Variants in DCHS2 observed in about 807,000 individuals in gnomAD.
The protein encoded by DCHS2 is protocadherin-23.
A neutral mutation model predicts 182.4 loss-of-function variants in DCHS2; 142 were observed. That is an observed-to-expected ratio of 0.78 (90% CI 0.68 to 0.89). The LOEUF (loss-of-function observed/expected upper bound fraction) is 0.89, where lower values mean the gene tolerates loss of function less well. DCHS2 is among the 40% of genes least tolerant of loss of function. DCHS2 has a pLI of 0.00. For missense variants in DCHS2, 4,319 were observed against 4,198.6 expected, an observed-to-expected ratio of 1.03 and a Z score of -0.79; for synonymous variants, 1,740 against 1,663.3, an observed-to-expected ratio of 1.05 and a Z score of -1.12.
chr4:154,414,212 T>C (rs544066349), intron 1 of DCHS2, among the ~76,000 whole-genome samples: 4 of 149,722 alleles, frequency 2.7e-5, no homozygotes, highest in Non-Finnish European at 5.9e-5. Flanking sequence ...GAGAGAGATA[T>C]AGATATATGT....
intron 1 of DCHS2, among the ~76,000 whole-genome samples, chr4:154,444,890 G>C (rs1211014216): frequency 6.6e-6 from 1 of 152,082 alleles, no homozygotes; most frequent in Admixed American, 6.6e-5. Context: ...CTGGAGTTCT[G>C]CAAACCCAGC....
chr4:154,283,631 A>G (rs76756449), intron 13 of DCHS2, among the ~76,000 whole-genome samples: 3,129 of 152,346 alleles, frequency 0.021, 113 homozygotes, highest in African/African-American at 0.072. Context: ...AAATGCACAC[A>G]TAGCAACTTA....
At chr4:154,299,425 G>A (rs1326758152) in intron 12 of DCHS2, among the ~76,000 whole-genome samples, 1 of 152,094 alleles carries the variant, frequency 6.6e-6, no homozygotes, top group Non-Finnish European at 1.5e-5. Flanking sequence ...AGCTTTCAAA[G>A]ACATTTTTAA....
rs1561049500 is a variant in DCHS2, at chr4:154,333,107, A to AC, written c.3100dup (p.Val1034GlyfsTer62). ...GCCCAGGCTGCCGTTGAGGAACAGC[A>AC]CCCCCAGGGCTCTGTCGATGGCAAA... is the stretch of plus-strand genomic sequence containing the variant. On this transcript the variant is annotated frameshift_variant, in exon 5 of 20. Coordinates refer to ENST00000357232, the MANE Select transcript of DCHS2 (RefSeq NM_001358235.2). LOFTEE classifies it high-confidence loss of function. The AC allele has an allele frequency of 1.9e-6, 3 of 1,613,984 alleles. No homozygotes were observed. The highest frequency in any genetic ancestry group is 1.7e-6 in the Non-Finnish European group (2 of 1,180,020).
chr4:154,364,403 T>C (rs1450959553), intron 3 of DCHS2, among the ~76,000 whole-genome samples: 1 of 152,250 alleles, frequency 6.6e-6, no homozygotes, highest in African/African-American at 2.4e-5. Context: ...CTGACCTATA[T>C]ATTTTTGGCA....
At chr4:154,434,605 G>T (rs1269679241) in intron 1 of DCHS2, among the ~76,000 whole-genome samples, 4 of 151,786 alleles carry the variant, frequency 2.6e-5, no homozygotes, top group Non-Finnish European at 5.9e-5. Flanking sequence ...GTACATGAGT[G>T]TTTTTTTTAT....
intron 1 of DCHS2, among the ~76,000 whole-genome samples, chr4:154,481,082 G>T (rs1360478772): frequency 6.6e-6 from 1 of 152,062 alleles, no homozygotes; most frequent in Non-Finnish European, 1.5e-5. Context: ...GGTAAATTTT[G>T]TACAAACAGC....
chr4:154,294,068 G>A (rs1485569049), intron 13 of DCHS2, among the ~76,000 whole-genome samples: 5 of 152,124 alleles, frequency 3.3e-5, no homozygotes, highest in South Asian at 2.1e-4. Context: ...TACCCACTAG[G>A]AGCAAATATC....
At chr4:154,433,395 C>CCTTTTT (rs1364776212) in intron 1 of DCHS2, among the ~76,000 whole-genome samples, 1 of 103,866 alleles carries the variant, frequency 9.6e-6, no homozygotes, top group Non-Finnish European at 1.9e-5. Flanking sequence ...TTTTTTTTTC[C>CCTTTTT]TTTTTTTTTT....
Position 154,236,275 on chromosome 4 carries a change from C to A in DCHS2, c.8377G>T (p.Ala2793Ser). Residue 2793 changes from alanine (A) to serine (S), a missense_variant, in exon 20 of 20, where the codon GCT becomes TCT. Ala to Ser is a moderately conservative substitution (Grantham distance 99). Coordinates refer to ENST00000357232, the MANE Select transcript of DCHS2 (RefSeq NM_001358235.2). Reference protein sequence around the residue: ...PISSTICSINALDFDAGPYGE... With the variant: ...PISSTICSINSLDFDAGPYGE... ...TACGGACCAGCATCAAAATCCAGAGCATTTATAGAGCATATGGTAGAGGAA... is the reference window on the plus strand; with the variant it reads ...TACGGACCAGCATCAAAATCCAGAGAATTTATAGAGCATATGGTAGAGGAA... The A allele has an allele frequency of 6.2e-7, 1 of 1,613,966 alleles. No individual in the cohort carries two copies. Among genetic ancestry groups the A allele is most frequent in the Non-Finnish European group, 8.5e-7 (1 of 1,179,952 alleles).
intron 13 of DCHS2, among the ~76,000 whole-genome samples, chr4:154,287,693 G>C (rs1734466941): frequency 6.6e-6 from 1 of 151,984 alleles, no homozygotes; most frequent in Admixed American, 6.6e-5. Flanking sequence ...TGTTGGCCAG[G>C]CTGGTCATGA....
In DCHS2 at chr4:154,463,666, A is replaced by T. The variant is rs1465072385; in HGVS notation, c.2052+25638T>A. On this transcript the variant is annotated intron_variant, in intron 1 of 19. Coordinates refer to ENST00000357232, the MANE Select transcript of DCHS2 (RefSeq NM_001358235.2). ...ACAGGCAGAGGTCATTAGGTAAACT[A>T]AAAATCCTGTAAGCTATTCTCTCTT... 4.0e-5 allele frequency among the ~76,000 whole-genome samples: 6 copies of T among 151,580 alleles called. No homozygotes were observed. The East Asian group carries it at 7.8e-4, about 20-fold the overall frequency.
chr4:154,454,159 CT>C (rs1734662741), intron 1 of DCHS2, among the ~76,000 whole-genome samples: 2 of 150,968 alleles, frequency 1.3e-5, no homozygotes, highest in African/African-American at 4.9e-5. Context: ...ACACACACCC[CT>C]TGCCAGGATA....
intron 12 of DCHS2, 163 bp from the exon 13 acceptor site, chr4:154,298,871 TGATAAA>T: frequency 9.5e-7 from 1 of 1,055,058 alleles, no homozygotes; most frequent in Non-Finnish European, 1.3e-6. Flanking sequence ...ACAGTAAGCA[TGATAAA>T]GGCTCTGCCC....
At position 154,330,812 on chromosome 4, in the gene DCHS2, C is replaced by T. The variant is rs187671990; in HGVS notation, c.3731-1102G>A. On this transcript the variant is annotated intron_variant, in intron 5 of 19. Transcript: ENST00000357232. ...ATAAACTATATTTATAGTGTTTACT[C>T]GGTGGTTTTAATATAGATCATACAC... Among the ~76,000 whole-genome samples the T allele has an allele frequency of 4.6e-4, 70 of 151,316 alleles. 1 individual carries two copies. The highest frequency in any genetic ancestry group is 2.3e-3 in the South Asian group (11 of 4,748).
At chr4:154,255,825 C>T (rs1392981513) in intron 15 of DCHS2, among the ~76,000 whole-genome samples, 155 bp from the exon 16 acceptor site, 1 of 152,144 alleles carries the variant, frequency 6.6e-6, no homozygotes, top group Admixed American at 6.5e-5. Flanking sequence ...CTGAAGCTTA[C>T]ATTTAACTTT....
chr4:154,428,362 A>T (rs1185317275), intron 1 of DCHS2, among the ~76,000 whole-genome samples: 2 of 152,072 alleles, frequency 1.3e-5, no homozygotes, highest in Non-Finnish European at 2.9e-5. Context: ...TAACACAGTG[A>T]GACCCCCCAT....
Position 154,489,694 on chromosome 4 carries a change from A to C in DCHS2, c.1662T>G (p.Pro554=), listed in dbSNP as rs917964576. 6.4e-7 allele frequency: 1 copy of C among 1,551,578 alleles called. No homozygotes were observed. The highest frequency in any genetic ancestry group is 1.4e-5 in the African/African-American group (1 of 73,050). ...CGCTGACCCACATGACTACAGTGCCAGGGGCCGCGGCCTCGGACACTGAGG... is the reference window on the plus strand; with the variant it reads ...CGCTGACCCACATGACTACAGTGCCCGGGGCCGCGGCCTCGGACACTGAGG... The part of the protein sequence containing the change: ...YKASVSEAAA[P]GTVVMWVSAS... Residue 554 remains proline, a synonymous_variant, in exon 1 of 20, where the codon CCT becomes CCG. Coordinates refer to ENST00000357232, the MANE Select transcript of DCHS2 (RefSeq NM_001358235.2).
rs367772746 is a variant in DCHS2 at position 154,384,492 on chromosome 4, G to T, written c.2053-7048C>A. On this transcript the variant is annotated intron_variant, in intron 1 of 19. Coordinates refer to ENST00000357232, the MANE Select transcript of DCHS2 (RefSeq NM_001358235.2). ...ACTGCTTGTAGGGGACTGAATGCTG[G>T]CCTCCAAAAAACCTCTGTCAATGTT... 3.3e-5 allele frequency: 51 copies of T among 1,565,886 alleles called. No individual in the cohort carries two copies. In the African/African-American group the frequency reaches 6.7e-4, roughly 20 times the overall value.
Sources: gnomAD v4.1 joint callset for allele counts (sites outside exome capture counted in the v4.1 genomes callset) on GRCh38, gnomAD v4.1.1 for gene constraint, MANE v1.5 for transcripts, NCBI Gene and HGNC (gene_info 2026-07-23, HGNC 2026-07-21) for gene names.